The following TRMT11 variants were observed in gnomAD, a reference collection of about 807,000 sequenced individuals.
TRMT11 encodes tRNA methyltransferase 11.
Under a neutral mutation model 62.8 loss-of-function variants are expected in TRMT11, and 53 were observed. The observed-to-expected ratio is 0.84, with a 90% CI of 0.68 to 1.06. TRMT11 has a LOEUF of 1.06. TRMT11 is among the 50% of genes least tolerant of loss of function. TRMT11 has a pLI of 0.00. For synonymous variants in TRMT11, 188 were observed against 190.3 expected (o/e 0.99, Z 0.10); for missense variants, 556 against 553.4 (o/e 1.00, Z -0.05).
At chr6:126,219,501 C>G in the TRMT11 span, among the ~76,000 whole-genome samples, 1 of 152,204 alleles carries the variant, frequency 6.6e-6, no homozygotes, top group South Asian at 2.1e-4. Flanking sequence ...CATACCAGCT[C>G]TCTTCTTCAA....
chr6:126,005,217 A>G (rs531002912), intron 7 of TRMT11, among the ~76,000 whole-genome samples: 1 of 152,186 alleles, frequency 6.6e-6, no homozygotes, highest in African/African-American at 2.4e-5. Flanking sequence ...TACTTAATTT[A>G]ATGTAATTTG....
chr6:126,196,294 T>A (rs1048461766), intron 1 of TRMT11, among the ~76,000 whole-genome samples: 22 of 152,144 alleles, frequency 1.4e-4, no homozygotes, highest in Admixed American at 7.2e-4. Context: ...CAGTTCTCAT[T>A]TCCCACCTCT....
At chr6:126,256,988 T>C in the TRMT11 span, among the ~76,000 whole-genome samples, 1 of 152,068 alleles carries the variant, frequency 6.6e-6, no homozygotes, top group Non-Finnish European at 1.5e-5. Context: ...CAGTTTCTAG[T>C]GATTCGTCTT....
intron 1 of TRMT11, among the ~76,000 whole-genome samples, chr6:126,180,805 A>G (rs1291853909): frequency 6.6e-6 from 1 of 152,176 alleles, no homozygotes; most frequent in Non-Finnish European, 1.5e-5. Context: ...CTGACTGCTA[A>G]AGTTCTGTCC....
intron 17 of TRMT11, among the ~76,000 whole-genome samples, chr6:126,088,755 A>G (rs1002385382): frequency 3.9e-5 from 6 of 152,210 alleles, no homozygotes; most frequent in African/African-American, 1.4e-4. Context: ...AGAGAGTAAA[A>G]TGGGAGAACC....
intron 1 of TRMT11, among the ~76,000 whole-genome samples, chr6:126,190,966 C>G (rs1161726653): frequency 2.0e-5 from 3 of 152,126 alleles, no homozygotes; most frequent in Admixed American, 6.5e-5. Context: ...CCTAGCAGTG[C>G]TGGATCATAG....
At chr6:126,250,386 A>T in the TRMT11 span, among the ~76,000 whole-genome samples, 4 of 152,190 alleles carry the variant, frequency 2.6e-5, no homozygotes, top group African/African-American at 9.6e-5. Context: ...AACAGAGAGC[A>T]TGTGGAAGCT....
chr6:126,193,617 C>T (rs543992629), intron 1 of TRMT11, among the ~76,000 whole-genome samples: 31 of 151,228 alleles, frequency 2.0e-4, no homozygotes, highest in African/African-American at 7.5e-4. Flanking sequence ...CTCAGCCTCC[C>T]GAGTAGCTGG....
chr6:126,001,063 A>T (rs1457985531), intron 7 of TRMT11, among the ~76,000 whole-genome samples: 1 of 152,176 alleles, frequency 6.6e-6, no homozygotes, highest in Non-Finnish European at 1.5e-5. Context: ...AGTTGTATCC[A>T]TCACATCCCT....
chr6:125,991,181 G>A (rs1483273521), intron 1 of TRMT11, among the ~76,000 whole-genome samples: 1 of 150,596 alleles, frequency 6.6e-6, no homozygotes, highest in East Asian at 2.0e-4. Context: ...GGGAGGTGGA[G>A]GTTGCAGTGA....
the TRMT11 span, among the ~76,000 whole-genome samples, chr6:126,244,692 G>A: frequency 2.6e-5 from 4 of 152,118 alleles, no homozygotes; most frequent in Non-Finnish European, 4.4e-5. Flanking sequence ...TTTCAGTTTC[G>A]ACACTCTGTC....
At chr6:126,214,893 G>T in the TRMT11 span, among the ~76,000 whole-genome samples, 1 of 151,726 alleles carries the variant, frequency 6.6e-6, no homozygotes, top group African/African-American at 2.4e-5. Flanking sequence ...TCTTAGTACT[G>T]CTTTTGCCGT....
At chr6:126,243,698 A>C in the TRMT11 span, among the ~76,000 whole-genome samples, 353 of 151,814 alleles carry the variant, frequency 2.3e-3, no homozygotes, top group African/African-American at 7.8e-3. Context: ...AAAACTAAAC[A>C]CCGCATATTC....
At chr6:126,188,163 C>G (rs543934426) in intron 1 of TRMT11, among the ~76,000 whole-genome samples, 1 of 151,830 alleles carries the variant, frequency 6.6e-6, no homozygotes, top group South Asian at 2.1e-4. Context: ...ATCATCAACC[C>G]CCCATATCCC....
chr6:126,135,624 A>C (rs1777841351), intron 21 of TRMT11, among the ~76,000 whole-genome samples: 1 of 151,790 alleles, frequency 6.6e-6, no homozygotes, highest in African/African-American at 2.4e-5. Context: ...GAATACTTCC[A>C]AATTCATTGT....
At chr6:126,105,262 C>T (rs1170331175) in intron 17 of TRMT11, among the ~76,000 whole-genome samples, 6 of 152,196 alleles carry the variant, frequency 3.9e-5, no homozygotes, top group Non-Finnish European at 7.3e-5. Flanking sequence ...TCTCCTCCCT[C>T]CTGCTCCATC....
At chr6:126,268,976 G>T in the TRMT11 span, among the ~76,000 whole-genome samples, 1 of 152,150 alleles carries the variant, frequency 6.6e-6, no homozygotes, top group East Asian at 1.9e-4. Context: ...AATATGACTG[G>T]GTTGGCCGGG....
intron 21 of TRMT11, among the ~76,000 whole-genome samples, chr6:126,153,233 G>A (rs895270146): frequency 6.6e-6 from 1 of 152,070 alleles, no homozygotes; most frequent in African/African-American, 2.4e-5. Flanking sequence ...TATTTATACA[G>A]TTTTGGAATA....
chr6:126,051,521 G>A (rs760802159), intron 16 of TRMT11, among the ~76,000 whole-genome samples: 19 of 152,214 alleles, frequency 1.2e-4, no homozygotes, highest in Non-Finnish European at 7.3e-5. Context: ...CCATCACTCT[G>A]ATGATAGTGG....
Sources: allele counts gnomAD v4.1 joint callset (sites outside exome capture counted in the v4.1 genomes callset), GRCh38; gene constraint gnomAD v4.1.1; transcripts MANE v1.5; gene names NCBI Gene and HGNC (gene_info 2026-07-23, HGNC 2026-07-21).